Variants in REDIC1 observed in about 807,000 individuals in gnomAD.
REDIC1 encodes the protein regulator of DNA class I crossover intermediates 1.
chr12:39,716,210 A>C, the REDIC1 span, among the ~76,000 whole-genome samples: 1 of 152,146 alleles, frequency 6.6e-6, no homozygotes, highest in Admixed American at 6.6e-5. Flanking sequence ...TCATTTATAC[A>C]TAGTAGGGAT....
the REDIC1 span, chr12:39,871,901 C>A: frequency 6.2e-7 from 1 of 1,610,866 alleles, no homozygotes; most frequent in South Asian, 1.1e-5. Flanking sequence ...CTGAAGCCAG[C>A]CATATTGCAA....
At chr12:39,778,309 C>T in the REDIC1 span, among the ~76,000 whole-genome samples, 1 of 152,192 alleles carries the variant, frequency 6.6e-6, no homozygotes, top group East Asian at 1.9e-4. Flanking sequence ...TCAGTAGCAC[C>T]CTGCCCATGT....
the REDIC1 span, among the ~76,000 whole-genome samples, chr12:39,645,938 C>G: frequency 6.6e-6 from 1 of 151,910 alleles, no homozygotes; most frequent in Admixed American, 6.6e-5. Flanking sequence ...AAAATCTACA[C>G]TATAACTATG....
At chr12:39,654,738 AGGGTAATACT>A in the REDIC1 span, among the ~76,000 whole-genome samples, 1 of 115,618 alleles carries the variant, frequency 8.6e-6, no homozygotes, top group Non-Finnish European at 1.9e-5. Flanking sequence ...CTTTGGTATC[AGGGTAATACT>A]GGCCTCATAG....
the REDIC1 span, among the ~76,000 whole-genome samples, chr12:39,774,415 T>C: frequency 6.6e-6 from 1 of 152,304 alleles, no homozygotes; most frequent in African/African-American, 2.4e-5. Flanking sequence ...ATATTTCCTA[T>C]TTAATAATCT....
chr12:39,739,861 G>A, the REDIC1 span, among the ~76,000 whole-genome samples: 1 of 152,226 alleles, frequency 6.6e-6, no homozygotes, highest in Non-Finnish European at 1.5e-5. Flanking sequence ...TGTAGCAGAT[G>A]TGATGTTGTG....
the REDIC1 span, among the ~76,000 whole-genome samples, chr12:39,733,665 T>C: frequency 6.6e-6 from 1 of 152,234 alleles, no homozygotes; most frequent in Non-Finnish European, 1.5e-5. Flanking sequence ...CAGTGGGCTC[T>C]GCCCAGTTCA....
the REDIC1 span, among the ~76,000 whole-genome samples, chr12:39,658,386 G>C: frequency 2.0e-5 from 3 of 152,228 alleles, no homozygotes; most frequent in Non-Finnish European, 4.4e-5. Context: ...TGCCCAGCCT[G>C]GATCAAAATA....
the REDIC1 span, among the ~76,000 whole-genome samples, chr12:39,645,764 CTTTTA>C: frequency 1.3e-5 from 2 of 151,964 alleles, no homozygotes; most frequent in East Asian, 3.9e-4. Context: ...AGAGACAAGA[CTTTTA>C]TTTTGTTTTG....
the REDIC1 span, among the ~76,000 whole-genome samples, chr12:39,792,803 G>GAAA: frequency 3.5e-3 from 516 of 149,514 alleles, 3 homozygotes; most frequent in African/African-American, 0.012. Flanking sequence ...TGTATTTAAT[G>GAAA]AAAAAAAAAA....
At chr12:39,704,242 C>G in the REDIC1 span, among the ~76,000 whole-genome samples, 1 of 152,036 alleles carries the variant, frequency 6.6e-6, no homozygotes, top group African/African-American at 2.4e-5. Context: ...AAAAACAACC[C>G]CATCAAAAAG....
At chr12:39,848,159 A>G in the REDIC1 span, among the ~76,000 whole-genome samples, 1 of 152,224 alleles carries the variant, frequency 6.6e-6, no homozygotes, top group Non-Finnish European at 1.5e-5. Context: ...AATTGCAACA[A>G]AAACAAAAAT....
At chr12:39,676,205 A>C in the REDIC1 span, among the ~76,000 whole-genome samples, 9 of 152,068 alleles carry the variant, frequency 5.9e-5, no homozygotes, top group Admixed American at 2.0e-4. Context: ...AAAAAAAAAA[A>C]CCAGATATGG....
At chr12:39,736,439 G>A in the REDIC1 span, among the ~76,000 whole-genome samples, 2 of 152,182 alleles carry the variant, frequency 1.3e-5, no homozygotes, top group South Asian at 2.1e-4. Flanking sequence ...AGCATCTGAG[G>A]AGACTCATCC....
the REDIC1 span, among the ~76,000 whole-genome samples, chr12:39,806,984 G>A: frequency 1.2e-4 from 18 of 152,096 alleles, no homozygotes; most frequent in Admixed American, 3.3e-4. Context: ...CAGTCTGTAC[G>A]ATCCTATTTA....
chr12:39,715,515 G>A, the REDIC1 span, among the ~76,000 whole-genome samples: 5 of 151,630 alleles, frequency 3.3e-5, no homozygotes, highest in Admixed American at 6.6e-5. Context: ...AGCAATCTAC[G>A]AATTCAATGC....
chr12:39,852,067 C>G, the REDIC1 span, among the ~76,000 whole-genome samples: 1 of 152,144 alleles, frequency 6.6e-6, no homozygotes, highest in Non-Finnish European at 1.5e-5. Context: ...GACTAAAACA[C>G]AGGTGTGTGT....
chr12:39,716,832 A>C, the REDIC1 span: 1 of 1,587,938 alleles, frequency 6.3e-7, no homozygotes, highest in Non-Finnish European at 8.6e-7. Context: ...GTTCTAGTTC[A>C]GATTTGGTAA....
chr12:39,650,625 A>G, the REDIC1 span, among the ~76,000 whole-genome samples: 1 of 152,166 alleles, frequency 6.6e-6, no homozygotes, highest in Non-Finnish European at 1.5e-5. The surrounding 1 kb of genome is among the most constrained non-coding windows in gnomAD (Gnocchi z 4.3). Context: ...GCTGGAGTGC[A>G]GTGGTACAAT....
Sources: gnomAD v4.1 joint callset for allele counts (sites outside exome capture counted in the v4.1 genomes callset) on GRCh38, gnomAD v4.1.1 for gene constraint, Gnocchi (gnomAD v3.1) non-coding constraint, MANE v1.5 for transcripts, NCBI Gene and HGNC (gene_info 2026-07-23, HGNC 2026-07-21) for gene names.